ZSWIM1: variants seen among roughly 807,000 people sequenced by gnomAD.
ZSWIM1 encodes zinc finger SWIM domain-containing protein 1.
In ZSWIM1, 22 loss-of-function variants were observed where a neutral mutation model predicts 29.3. That is an observed-to-expected ratio of 0.75 (90% CI 0.54 to 1.07). ZSWIM1 has a LOEUF of 1.07. Ranked by LOEUF, ZSWIM1 falls within the 50% of genes least tolerant of loss-of-function variation. The pLI is 0.00. For synonymous variants in ZSWIM1, 228 were observed against 240.8 expected, an observed-to-expected ratio of 0.95 and a Z score of 0.49; for missense variants, 511 against 596.2, an observed-to-expected ratio of 0.86 and a Z score of 1.49.
Position 45,883,160 on chromosome 20 carries a change from G to T in ZSWIM1, c.568G>T (p.Val190Leu), listed in dbSNP as rs778407414. The change falls in exon 2 of 2, where the codon GTG becomes TTG. Residue 190 changes from valine (V) to leucine (L), a missense_variant. Physicochemically the swap from Val to Leu is conservative, Grantham distance 32 (BLOSUM62 1). Coordinates refer to ENST00000372523, the MANE Select transcript of ZSWIM1 (RefSeq NM_080603.5). ...KFYQLSLERPVERLLLTSLQS... is the reference protein window; with the variant it reads ...KFYQLSLERPLERLLLTSLQS... ...CTATCAGCTGTCCCTTGAACGGCCC[G>T]TGGAAAGGCTGCTCCTGACCTCCCT... 6 of 1,613,908 alleles carry T rather than the reference G, an allele frequency of 3.7e-6. No individual in the cohort carries two copies. The highest frequency in any genetic ancestry group is 1.3e-5 in the African/African-American group (1 of 74,912).
chr20:45,884,214 C>A lies in ZSWIM1; in HGVS notation c.*164C>A. On this transcript the variant is annotated 3_prime_UTR_variant, in exon 2 of 2. Coordinates refer to ENST00000372523, the MANE Select transcript of ZSWIM1 (RefSeq NM_080603.5). Reference sequence around the variant, plus strand: ...GACAACAAGGACAAGGTTGAAGGGTCTTCTCATCTACCATGGCCTGCTACC... The same window carrying A: ...GACAACAAGGACAAGGTTGAAGGGTATTCTCATCTACCATGGCCTGCTACC... The A allele has an allele frequency of 1.1e-6, 1 of 918,734 alleles. No individual in the cohort carries two copies. Among genetic ancestry groups the A allele is most frequent in the Non-Finnish European group, 1.6e-6 (1 of 614,916 alleles). The allele number at this position is 918,734 out of a possible 1,614,324, so 56.9% of individuals were successfully genotyped here. A position where few individuals can be genotyped will look rare whatever the true frequency, so the allele number is the denominator to read the frequency against.
In ZSWIM1 at chr20:45,883,321, C is replaced by T. The variant is rs1986349287; in HGVS notation, c.729C>T (p.His243=). The T allele has an allele frequency of 6.2e-7, 1 of 1,614,152 alleles. No individual in the cohort carries two copies. The highest frequency in any genetic ancestry group is 2.2e-5 in the East Asian group (1 of 44,894). ...WLLNDRIWLA[H]RWRSRAESSH... ...TCAACGACCGCATCTGGCTGGCTCA[C>T]CGCTGGAGAAGCCGAGCTGAGAGCA... is the stretch of plus-strand genomic sequence containing the variant. The change falls in exon 2 of 2, where the codon CAC becomes CAT. Residue 243 remains histidine, a synonymous_variant. Coordinates refer to ENST00000372523, the MANE Select transcript of ZSWIM1 (RefSeq NM_080603.5).
rs746182875 is a variant in ZSWIM1, at chr20:45,882,817, C to T, written c.225C>T (p.Phe75=). The T allele has an allele frequency of 4.3e-6, 7 of 1,614,124 alleles. No homozygotes were observed. In the South Asian group the frequency reaches 6.6e-5, roughly 15 times the overall value. ...TTATGCAAAGTGTCTTTGACCATTT[C>T]CCTGAGATCTTATTTATCCACCGGA... ...SCFMQSVFDH[F]PEILFIHRTY... is the part of the protein sequence containing the mutation. Residue 75 remains phenylalanine (F), a synonymous_variant, in exon 2 of 2, where the codon TTC becomes TTT. Transcript: ENST00000372523.
At position 45,885,109 on chromosome 20, in the gene ZSWIM1, A is replaced by T. The variant is rs1443548058; in HGVS notation, c.*1059A>T. 1 of 167,116 alleles carries T rather than the reference A, an allele frequency of 6.0e-6. No individual in the cohort carries two copies. The highest frequency in any genetic ancestry group is 1.5e-5 in the Non-Finnish European group (1 of 68,138). The allele number at this position is 167,116 out of a possible 1,614,324, so 10.4% of individuals were successfully genotyped here. ...GGGCTTGGTAGCAGTTGCCCCAGTCATGAGATGACTCACTTAACCCGTCTC... is the reference window on the plus strand; with the variant it reads ...GGGCTTGGTAGCAGTTGCCCCAGTCTTGAGATGACTCACTTAACCCGTCTC... On this transcript the variant is annotated 3_prime_UTR_variant, in exon 2 of 2. Coordinates refer to ENST00000372523, the MANE Select transcript of ZSWIM1 (RefSeq NM_080603.5).
Position 45,882,520 on chromosome 20 carries a change from T to G in ZSWIM1, c.-60-13T>G. The G allele has an allele frequency of 2.0e-6, 3 of 1,531,780 alleles. No homozygotes were observed. The highest frequency in any genetic ancestry group is 2.6e-5 in the South Asian group (2 of 76,756). 94.9% of individuals were successfully genotyped at this position (1,531,780 alleles called of 1,614,324 possible). On this transcript the variant is annotated splice_polypyrimidine_tract_variant and intron_variant, in intron 1 of 1. Coordinates refer to ENST00000372523, the MANE Select transcript of ZSWIM1 (RefSeq NM_080603.5). The stretch of plus-strand genomic sequence containing the variant: ...TCCCTGCTGTCTCCTTAAACCTCTG[T>G]TACTCTCCATAGGCCCATCTTTGGA...
upstream of ZSWIM1, chr20:45,881,171 G>A (rs1244043398): frequency 6.6e-6 from 1 of 152,498 alleles, no homozygotes; most frequent in Non-Finnish European, 1.5e-5. Flanking sequence ...GAGTCACTGC[G>A]ATGCTGACGC....
Position 45,883,073 on chromosome 20 carries a change from T to C in ZSWIM1, c.481T>C (p.Phe161Leu). The C allele has an allele frequency of 1.9e-6, 3 of 1,614,014 alleles. No individual in the cohort carries two copies. Among genetic ancestry groups the C allele is most frequent in the Non-Finnish European group, 2.5e-6 (3 of 1,179,980 alleles). Residue 161 changes from phenylalanine (F) to leucine (L), a missense_variant, in exon 2 of 2, where the codon TTC becomes CTC. Coordinates refer to ENST00000372523, the MANE Select transcript of ZSWIM1 (RefSeq NM_080603.5). ...FLPLPILAME[F>L]PTAEVLLSAF... ...TCCACTGCCTATCCTAGCTATGGAG[T>C]TCCCCACAGCTGAGGTCCTTCTCTC...
rs1986389120 is a variant in ZSWIM1 at position 45,883,958 on chromosome 20, C to G, written c.1366C>G (p.His456Asp). 7 of 1,614,066 alleles carry G rather than the reference C, an allele frequency of 4.3e-6. No homozygotes were observed. The highest frequency in any genetic ancestry group is 5.9e-6 in the Non-Finnish European group (7 of 1,180,042). Residue 456 changes from histidine (H) to aspartate (D), a missense_variant, in exon 2 of 2, where the codon CAC becomes GAC. Physicochemically the swap from His to Asp is moderately conservative, Grantham distance 81 (BLOSUM62 -1). Coordinates refer to ENST00000372523, the MANE Select transcript of ZSWIM1 (RefSeq NM_080603.5). ...LTEEVGQLLQ[H>D]CTKEEFERRY... ...CGAGGAGGTGGGTCAGCTGTTGCAG[C>G]ACTGCACCAAGGAGGAGTTTGAGCG...
Position 45,882,770 on chromosome 20 carries a change from A to G in ZSWIM1, c.178A>G (p.Thr60Ala). The change falls in exon 2 of 2, where the codon ACC (threonine) becomes GCC (alanine). Residue 60 changes from threonine (T) to alanine (A), a missense_variant. Physicochemically the swap from Thr to Ala is moderately conservative, Grantham distance 58. Transcript: ENST00000372523. ...GGTTAACAAGACTGCCCAGTTAGAT[A>G]CCTTCAACTACCAGAGCTGCTTTAT... ...HQVNKTAQLD[T>A]FNYQSCFMQS... 6.2e-7 allele frequency: 1 copy of G among 1,614,240 alleles called. No homozygotes were observed. Among genetic ancestry groups the G allele is most frequent in the Middle Eastern group, 1.6e-4 (1 of 6,062 alleles).
chr20:45,884,847 C>A lies in ZSWIM1; in HGVS notation c.*797C>A, dbSNP rs1986429048. 1 of 165,830 alleles carries A rather than the reference C, an allele frequency of 6.0e-6. No homozygotes were observed. Among genetic ancestry groups the A allele is most frequent in the Non-Finnish European group, 1.5e-5 (1 of 68,068 alleles). 10.3% of individuals were successfully genotyped at this position (165,830 alleles called of 1,614,324 possible). Reference sequence around the variant, plus strand: ...CCAACATAGTGAAACCCTGTCTCTACTAAAAATACACAAATTAGCCAGGTG... The same window carrying A: ...CCAACATAGTGAAACCCTGTCTCTAATAAAAATACACAAATTAGCCAGGTG... On this transcript the variant is annotated 3_prime_UTR_variant, in exon 2 of 2. Transcript: ENST00000372523.
At position 45,885,158 on chromosome 20, in the gene ZSWIM1, G is replaced by T. The variant is rs575035229; in HGVS notation, c.*1108G>T. On this transcript the variant is annotated 3_prime_UTR_variant, in exon 2 of 2. Transcript: ENST00000372523. ...TCCTTTAAGTGAGCTGGGCTGGGAG[G>T]CTTCCTACAGGGGAAGAGGCCCCTC... 103 of 167,220 alleles carry T rather than the reference G, an allele frequency of 6.2e-4. No homozygotes were observed. The highest frequency in any genetic ancestry group is 2.4e-3 in the African/African-American group (98 of 41,582). 10.4% of individuals were successfully genotyped at this position (167,220 alleles called of 1,614,324 possible).
chr20:45,884,136 A>G lies in ZSWIM1; in HGVS notation c.*86A>G. 1.4e-6 allele frequency: 2 copies of G among 1,445,538 alleles called. No homozygotes were observed. Among genetic ancestry groups the G allele is most frequent in the Admixed American group, 4.2e-5 (2 of 47,074 alleles). The allele number at this position is 1,445,538 out of a possible 1,614,324, so 89.5% of individuals were successfully genotyped here. A position where few individuals can be genotyped will look rare whatever the true frequency, so the allele number is the denominator to read the frequency against. On this transcript the variant is annotated 3_prime_UTR_variant, in exon 2 of 2. Coordinates refer to ENST00000372523, the MANE Select transcript of ZSWIM1 (RefSeq NM_080603.5). ...CACACACACACACACACACACACAC[A>G]CACACACTCCCTTACACTGTTGTAC...
intron 1 of ZSWIM1, among the ~76,000 whole-genome samples, chr20:45,881,729 A>T (rs1986268932): frequency 6.6e-6 from 1 of 152,262 alleles, no homozygotes; most frequent in Non-Finnish European, 1.5e-5. Context: ...AGAGAGGGTC[A>T]TTGACTTGCC....
rs150542822 is a variant in ZSWIM1, at chr20:45,883,816, C to G, written c.1224C>G (p.Leu408=). 90 of 1,613,512 alleles carry G rather than the reference C, an allele frequency of 5.6e-5. No homozygotes were observed. Among genetic ancestry groups the G allele is most frequent in the Non-Finnish European group, 5.4e-5 (64 of 1,180,018 alleles). Residue 408 remains leucine, a synonymous_variant, in exon 2 of 2, where the codon CTC becomes CTG. Coordinates refer to ENST00000372523, the MANE Select transcript of ZSWIM1 (RefSeq NM_080603.5). The part of the protein sequence containing the change: ...LAMLSARRQV[L]QPDMLPAQWT... ...TGCTCAGTGCCCGCCGCCAGGTGCT[C>G]CAGCCCGACATGCTGCCGGCTCAGT...
Position 45,884,104 on chromosome 20 carries a change from A to G in ZSWIM1, c.*54A>G, listed in dbSNP as rs1986398145. 1.4e-6 allele frequency: 2 copies of G among 1,398,738 alleles called. No individual in the cohort carries two copies. The highest frequency in any genetic ancestry group is 1.7e-5 in the African/African-American group (1 of 57,450). 86.6% of individuals were successfully genotyped at this position (1,398,738 alleles called of 1,614,324 possible). A position where few individuals can be genotyped will look rare whatever the true frequency, so the allele number is the denominator to read the frequency against. On this transcript the variant is annotated 3_prime_UTR_variant, in exon 2 of 2. Transcript: ENST00000372523. ...CACCTGTGCACACTCACATCCACCC[A>G]TACACACACACACACACACACACAC...
Position 45,882,986 on chromosome 20 carries a change from T to C in ZSWIM1, c.394T>C (p.Phe132Leu), listed in dbSNP as rs1986325374. The change falls in exon 2 of 2, where the codon TTC (phenylalanine) becomes CTC (leucine). Residue 132 changes from phenylalanine (F) to leucine (L), a missense_variant. Phe to Leu is a conservative substitution (Grantham distance 22, BLOSUM62 0). Transcript: ENST00000372523. ...AGGCCTGGCCCAGATGTTCCAAGTATTCAAGAAGTTTAATCCAGCATGGGA... is the reference window on the plus strand; with the variant it reads ...AGGCCTGGCCCAGATGTTCCAAGTACTCAAGAAGTTTAATCCAGCATGGGA... ...TEGLAQMFQV[F>L]KKFNPAWERV... The C allele has an allele frequency of 6.2e-7, 1 of 1,614,226 alleles. No individual in the cohort carries two copies. The highest frequency in any genetic ancestry group is 2.2e-5 in the East Asian group (1 of 44,888).
At position 45,883,475 on chromosome 20, in the gene ZSWIM1, A is replaced by C; in HGVS notation, c.883A>C (p.Asn295His). 6.2e-7 allele frequency: 1 copy of C among 1,614,218 alleles called. No individual in the cohort carries two copies. The highest frequency in any genetic ancestry group is 8.5e-7 in the Non-Finnish European group (1 of 1,180,034). The change falls in exon 2 of 2, where the codon AAC becomes CAC. Residue 295 changes from asparagine to histidine, a missense_variant. By Grantham distance (68) the Asn-to-His change is moderately conservative. Transcript: ENST00000372523. ...YMQQNSADKA[N>H]FNQGLCAQNN... ...GCAGCAGAACTCTGCAGACAAGGCAAACTTCAACCAGGGCCTGTGTGCCCA... is the reference window on the plus strand; with the variant it reads ...GCAGCAGAACTCTGCAGACAAGGCACACTTCAACCAGGGCCTGTGTGCCCA...
Position 45,884,083 on chromosome 20 carries a change from T to C in ZSWIM1, c.*33T>C. ...CGATGCCCAGAGATGCTCATGCACC[T>C]GTGCACACTCACATCCACCCATACA... is the stretch of plus-strand genomic sequence containing the variant. On this transcript the variant is annotated 3_prime_UTR_variant, in exon 2 of 2. Transcript: ENST00000372523. 6.3e-7 allele frequency: 1 copy of C among 1,576,096 alleles called. No homozygotes were observed. The highest frequency in any genetic ancestry group is 1.4e-5 in the African/African-American group (1 of 72,550).
At position 45,883,902 on chromosome 20, in the gene ZSWIM1, T is replaced by A; in HGVS notation, c.1310T>A (p.Leu437Gln). Residue 437 changes from leucine (L) to glutamine (Q), a missense_variant, in exon 2 of 2, where the codon CTG becomes CAG. Transcript: ENST00000372523. ...SILGSKWSET[L>Q]DKHLAVTHLT... Reference sequence around the variant, plus strand: ...CTGGGCAGCAAGTGGAGTGAGACCCTGGATAAGCACCTGGCAGTGACTCAC... The same window carrying A: ...CTGGGCAGCAAGTGGAGTGAGACCCAGGATAAGCACCTGGCAGTGACTCAC... 1 of 1,614,038 alleles carries A rather than the reference T, an allele frequency of 6.2e-7. No individual in the cohort carries two copies. Among genetic ancestry groups the A allele is most frequent in the Non-Finnish European group, 8.5e-7 (1 of 1,180,012 alleles).
Sources: gnomAD v4.1 joint callset for allele counts (sites outside exome capture counted in the v4.1 genomes callset) on GRCh38, gnomAD v4.1.1 for gene constraint, MANE v1.5 for transcripts, NCBI Gene and HGNC (gene_info 2026-07-23, HGNC 2026-07-21) for gene names.